Variants in SFMBT2 observed in about 807,000 individuals in gnomAD.
SFMBT2 encodes the protein Scm like with four mbt domains 2, also known as scm-like with four MBT domains protein 2.
A neutral mutation model predicts 110.1 loss-of-function variants in SFMBT2; 38 were observed. The observed-to-expected ratio is 0.35, with a 90% CI of 0.27 to 0.45. The LOEUF is 0.45. Among genes scored for constraint, SFMBT2 ranks in the 20% least tolerant of loss-of-function variants. The pLI, the probability that SFMBT2 is intolerant of heterozygous loss-of-function variation, is 1.00. For synonymous variants in SFMBT2, 425 were observed against 425.4 expected (o/e 1.00, Z 0.01); for missense variants, 1,011 against 1,094.9 (o/e 0.92, Z 1.08).
At chr10:7,241,926 T>TA (rs1442389357) in intron 9 of SFMBT2, among the ~76,000 whole-genome samples, 1 of 152,210 alleles carries the variant, frequency 6.6e-6, no homozygotes, top group Non-Finnish European at 1.5e-5. Context: ...TCAAAATTCT[T>TA]AAATATAATA....
chr10:7,158,633 T>C lies in SFMBT2; in HGVS notation c.*5137A>G, dbSNP rs906693489. ...GACCCAAACACCACCATAGAATTTA[T>C]TTTTACTTTATTAACAATGTGGCTT... is the stretch of plus-strand genomic sequence containing the variant. On this transcript the variant is annotated 3_prime_UTR_variant, in exon 21 of 21. Transcript: ENST00000397167. 7 of 152,252 alleles carry C rather than the reference T, an allele frequency of 4.6e-5. No homozygotes were observed. The highest frequency in any genetic ancestry group is 1.7e-4 in the African/African-American group (7 of 41,468). 9.4% of individuals were successfully genotyped at this position (152,252 alleles called of 1,614,324 possible).
intron 4 of SFMBT2, among the ~76,000 whole-genome samples, chr10:7,298,083 C>G (rs1842456309): frequency 6.6e-6 from 1 of 152,192 alleles, no homozygotes; most frequent in African/African-American, 2.4e-5. Flanking sequence ...ACCCAGAGGC[C>G]CTCGCAGCTT....
At chr10:7,200,920 G>T in intron 13 of SFMBT2, 1 of 785,998 alleles carries the variant, frequency 1.3e-6, no homozygotes, top group Non-Finnish European at 1.5e-6. Context: ...CCGGGCCCGC[G>T]GGAGTCATGG....
intron 4 of SFMBT2, among the ~76,000 whole-genome samples, chr10:7,339,297 A>C (rs76837538): frequency 0.034 from 5,136 of 152,326 alleles, 124 homozygotes; most frequent in Non-Finnish European, 0.054. Flanking sequence ...ATGAAAACAA[A>C]TAAGTTTCGA....
intron 9 of SFMBT2, among the ~76,000 whole-genome samples, chr10:7,234,213 AAAAC>A (rs35615159): frequency 2.0e-5 from 3 of 151,930 alleles, no homozygotes; most frequent in East Asian, 1.9e-4. Context: ...GTGCAGGAAA[AAAAC>A]AAACAAACAA....
chr10:7,247,942 G>A (rs1044895270), intron 8 of SFMBT2, among the ~76,000 whole-genome samples: 1 of 152,094 alleles, frequency 6.6e-6, no homozygotes, highest in African/African-American at 2.4e-5. Context: ...TTGAACTCCT[G>A]GGCTCAAGGG....
chr10:7,240,320 C>T (rs1840390472), intron 9 of SFMBT2, among the ~76,000 whole-genome samples: 1 of 152,178 alleles, frequency 6.6e-6, no homozygotes. Context: ...CTTGGACAGC[C>T]TTCCACATCA....
At chr10:7,227,523 C>A (rs906131588) in intron 10 of SFMBT2, among the ~76,000 whole-genome samples, 1 of 152,352 alleles carries the variant, frequency 6.6e-6, no homozygotes, top group South Asian at 2.1e-4. Context: ...TCCTCTATTT[C>A]TTTCCCTTCT....
At chr10:7,192,250 C>T (rs974680664) in intron 15 of SFMBT2, among the ~76,000 whole-genome samples, 34 of 152,160 alleles carry the variant, frequency 2.2e-4, no homozygotes, top group Admixed American at 2.2e-3. Flanking sequence ...TCTTTGATTC[C>T]GAGGACTGAC....
intron 1 of SFMBT2, among the ~76,000 whole-genome samples, chr10:7,394,759 T>G (rs1023148909): frequency 3.3e-5 from 5 of 152,178 alleles, no homozygotes; most frequent in African/African-American, 1.2e-4. Context: ...TCATTTCATC[T>G]TGAAGCAATG....
chr10:7,342,275 C>T (rs1216796021), intron 4 of SFMBT2, among the ~76,000 whole-genome samples: 2 of 151,958 alleles, frequency 1.3e-5, no homozygotes, highest in Non-Finnish European at 2.9e-5. Flanking sequence ...ATATGTTAAG[C>T]ACACATAAGC....
chr10:7,316,967 TTCTC>T (rs754929030), intron 4 of SFMBT2, among the ~76,000 whole-genome samples: 79 of 152,312 alleles, frequency 5.2e-4, no homozygotes, highest in Non-Finnish European at 9.7e-4. Flanking sequence ...GCCTATTTGT[TTCTC>T]TATTGATAAA....
chr10:7,245,481 T>C (rs1230689404), intron 8 of SFMBT2, among the ~76,000 whole-genome samples: 1 of 152,252 alleles, frequency 6.6e-6, no homozygotes, highest in Non-Finnish European at 1.5e-5. Context: ...AAAAGCTTAG[T>C]AAGTTTCATC....
intron 4 of SFMBT2, among the ~76,000 whole-genome samples, chr10:7,333,169 A>T (rs1348012128): frequency 1.3e-5 from 2 of 152,192 alleles, no homozygotes; most frequent in East Asian, 1.9e-4. Context: ...GCCTTGCCAG[A>T]AACAAGTTTT....
At position 7,243,677 on chromosome 10, in the gene SFMBT2, G is replaced by A. The variant is rs1265999250; in HGVS notation, c.1001C>T (p.Thr334Ile). Residue 334 changes from threonine (T) to isoleucine (I), a missense_variant, in exon 9 of 21, where the codon ACT (threonine) becomes ATT (isoleucine). Transcript: ENST00000397167. ...KVFNNHFFQV[T>I]IDDLRPEPSK... ...TGGTTCAGGTCTTAGGTCATCAATA[G>A]TCACTTGAAAAAAGTGATTGTTAAA... 1.1e-6 allele frequency: 1 copy of A among 872,334 alleles called. No homozygotes were observed. The highest frequency in any genetic ancestry group is 2.4e-5 in the East Asian group (1 of 41,696). The allele number at this position is 872,334 out of a possible 1,614,324, so 54.0% of individuals were successfully genotyped here.
intron 4 of SFMBT2, among the ~76,000 whole-genome samples, chr10:7,313,855 C>G (rs1050084295): frequency 2.0e-5 from 3 of 152,112 alleles, no homozygotes; most frequent in African/African-American, 4.8e-5. Context: ...CTTTTCTCAT[C>G]TAAATTTCTA....
intron 4 of SFMBT2, among the ~76,000 whole-genome samples, chr10:7,325,829 G>A (rs1184843079): frequency 6.6e-6 from 1 of 152,122 alleles, no homozygotes; most frequent in African/African-American, 2.4e-5. Context: ...ATGTTTTGGT[G>A]GTGGTTGCAA....
At position 7,375,116 on chromosome 10, in the gene SFMBT2, A is replaced by T. The variant is rs1328358935; in HGVS notation, c.101-4741T>A. ...TAGGAAAAGCTACGAAGAAAATTTC[A>T]CAATTTAAAAGAAAACAGTGTTCAT... On this transcript the variant is annotated intron_variant, in intron 2 of 20. Coordinates refer to ENST00000397167, the MANE Select transcript of SFMBT2 (RefSeq NM_001387889.1). Among the ~76,000 whole-genome samples, 3 of 152,378 alleles carry T rather than the reference A, an allele frequency of 2.0e-5. No individual in the cohort carries two copies. The South Asian group carries it at 6.2e-4, about 32-fold the overall frequency.
At chr10:7,214,724 C>T in intron 11 of SFMBT2, 1 of 985,454 alleles carries the variant, frequency 1.0e-6, no homozygotes, top group Non-Finnish European at 1.2e-6. Context: ...ACTTACTGTC[C>T]AAAGCTGTGC....
Sources: allele counts gnomAD v4.1 joint callset (sites outside exome capture counted in the v4.1 genomes callset), GRCh38; gene constraint gnomAD v4.1.1; transcripts MANE v1.5; gene names NCBI Gene and HGNC (gene_info 2026-07-23, HGNC 2026-07-21).